LYSMD1: variants seen among roughly 807,000 people sequenced by gnomAD.
The protein encoded by LYSMD1 is lysM and putative peptidoglycan-binding domain-containing protein 1.
In LYSMD1, 9 loss-of-function variants were observed where a neutral mutation model predicts 19.3. The ratio of observed to expected loss-of-function variants is 0.47; its 90% CI spans 0.28 to 0.81. LYSMD1 has a LOEUF of 0.81. Among genes scored for constraint, LYSMD1 ranks in the 40% least tolerant of loss-of-function variants. LYSMD1 has a pLI of 0.11. For missense variants in LYSMD1, 262 were observed against 279.8 expected, an observed-to-expected ratio of 0.94 and a Z score of 0.45; for synonymous variants, 111 against 111.7, an observed-to-expected ratio of 0.99 and a Z score of 0.04.
At position 151,160,952 on chromosome 1, in the gene LYSMD1, G is replaced by A; in HGVS notation, c.614C>T (p.Pro205Leu). ...CCGAGAGGTACGGGTCAGCGGCACA[G>A]GACCTAGGACTGCTCGTTGCTGCAT... ...PWMQQRAVLG[P>L]VPLTRTSRTR... The change falls in exon 3 of 3, where the codon CCT (proline) becomes CTT (leucine). Residue 205 changes from proline to leucine, a missense_variant. Pro to Leu is a moderately conservative substitution (Grantham distance 98). Transcript: ENST00000368908. 1 of 1,614,236 alleles carries A rather than the reference G, an allele frequency of 6.2e-7. No individual in the cohort carries two copies. The highest frequency in any genetic ancestry group is 8.5e-7 in the Non-Finnish European group (1 of 1,180,036).
At chr1:151,161,491 C>T (rs587774888) in intron 2 of LYSMD1, among the ~76,000 whole-genome samples, 100 of 145,830 alleles carry the variant, frequency 6.9e-4, no homozygotes, top group African/African-American at 2.3e-3. Flanking sequence ...AGCAAGACCC[C>T]GTCTCAAAAA....
downstream of LYSMD1, among the ~76,000 whole-genome samples, chr1:151,157,360 C>T (rs1315707536): frequency 6.6e-6 from 1 of 152,206 alleles, no homozygotes; most frequent in Non-Finnish European, 1.5e-5. Context: ...CGAGGCTGCT[C>T]CTCACTGCGG....
In LYSMD1 at chr1:151,161,971, C is replaced by T. The variant is rs111870485; in HGVS notation, c.310G>A (p.Asp104Asn). 5.6e-6 allele frequency: 9 copies of T among 1,614,134 alleles called. No homozygotes were observed. Among genetic ancestry groups the T allele is most frequent in the African/African-American group, 2.7e-5 (2 of 75,006 alleles). ...FNGLDSEEEKDGEEKVHPSNS... is the reference protein window; with the variant it reads ...FNGLDSEEEKNGEEKVHPSNS... ...CTTGGGTGTACTTTTTCCTCTCCATCTTTCTCTTCCTCAGAGTCCAAACCA... is the reference window on the plus strand; with the variant it reads ...CTTGGGTGTACTTTTTCCTCTCCATTTTTCTCTTCCTCAGAGTCCAAACCA... The change falls in exon 2 of 3, where the codon GAT (aspartate) becomes AAT (asparagine). Residue 104 changes from aspartate (D) to asparagine (N), a missense_variant. Transcript: ENST00000368908.
At chr1:151,154,727 C>T in the LYSMD1 span, among the ~76,000 whole-genome samples, 1 of 152,064 alleles carries the variant, frequency 6.6e-6, no homozygotes, top group Non-Finnish European at 1.5e-5. Flanking sequence ...CTCACTACAA[C>T]CTCTGCCTCC....
intron 1 of LYSMD1, 123 bp from the exon 2 acceptor site, chr1:151,162,223 G>A: frequency 1.1e-6 from 1 of 933,294 alleles, no homozygotes; most frequent in South Asian, 1.9e-5. Context: ...AAGTACAAAG[G>A]GCTGACATTA....
intron 1 of LYSMD1, among the ~76,000 whole-genome samples, chr1:151,163,860 T>G (rs945229344): frequency 6.7e-6 from 1 of 149,380 alleles, no homozygotes. Context: ...AAATTTAATC[T>G]TTTCTGATTT....
rs1365064813 is a variant in LYSMD1 at position 151,161,941 on chromosome 1, T to C, written c.340A>G (p.Ser114Gly). ...DGEEKVHPSN[S>G]EVWPHSTERK... ...TCAGTTGAGTGTGGCCAAACTTCACTGTTACTTGGGTGTACTTTTTCCTCT... is the reference window on the plus strand; with the variant it reads ...TCAGTTGAGTGTGGCCAAACTTCACCGTTACTTGGGTGTACTTTTTCCTCT... The change falls in exon 2 of 3, where the codon AGT becomes GGT. Residue 114 changes from serine (S) to glycine (G), a missense_variant. Coordinates refer to ENST00000368908, the MANE Select transcript of LYSMD1 (RefSeq NM_212551.5). The C allele has an allele frequency of 6.2e-7, 1 of 1,614,188 alleles. No homozygotes were observed. Among genetic ancestry groups the C allele is most frequent in the East Asian group, 2.2e-5 (1 of 44,888 alleles).
chr1:151,161,738 A>G lies in LYSMD1; in HGVS notation c.543T>C (p.Asn181=), dbSNP rs1405893655. The change falls in exon 2 of 3, where the codon AAT becomes AAC. Residue 181 remains asparagine (N), a splice_region_variant and synonymous_variant. Transcript: ENST00000368908. ...ATAAGGAACCATTCAAGACTCACCC[A>G]TTTTCCCCTTTTTTCAGCTTCTGAG... ...AAAQKLKKGE[N]GVPGEDAGLH... The G allele has an allele frequency of 1.9e-6, 3 of 1,609,306 alleles. No homozygotes were observed. The Admixed American group carries it at 5.2e-5, about 28-fold the overall frequency.
rs1469575153 is a variant in LYSMD1 at position 151,165,377 on chromosome 1, CCT to C, written c.-121_-120del. Reference sequence around the variant, plus strand: ...GGATTCCTTTCCCCCTCTCTCTTCCCCTGTGTCCCCGCCTCCCCAGCACTACG... The same window carrying C: ...GGATTCCTTTCCCCCTCTCTCTTCCCGTGTCCCCGCCTCCCCAGCACTACG... On this transcript the variant is annotated 5_prime_UTR_variant, in exon 1 of 3. Coordinates refer to ENST00000368908, the MANE Select transcript of LYSMD1 (RefSeq NM_212551.5). The C allele has an allele frequency of 2.7e-6, 4 of 1,475,732 alleles. No homozygotes were observed. The highest frequency in any genetic ancestry group is 5.0e-5 in the Admixed American group (2 of 39,892). The allele number at this position is 1,475,732 out of a possible 1,614,324, so 91.4% of individuals were successfully genotyped here.
chr1:151,157,998 GCA>G (rs375393596), downstream of LYSMD1, among the ~76,000 whole-genome samples: 41 of 152,268 alleles, frequency 2.7e-4, no homozygotes, highest in East Asian at 4.6e-3. Flanking sequence ...CAGACATATG[GCA>G]CAGAGTCAGT....
Position 151,165,403 on chromosome 1 carries a change from C to A in LYSMD1, c.-145G>T. The A allele has an allele frequency of 1.4e-6, 2 of 1,442,606 alleles. No homozygotes were observed. The highest frequency in any genetic ancestry group is 1.5e-5 in the South Asian group (1 of 67,934). The allele number at this position is 1,442,606 out of a possible 1,614,324, so 89.4% of individuals were successfully genotyped here. A position where few individuals can be genotyped will look rare whatever the true frequency, so the allele number is the denominator to read the frequency against. On this transcript the variant is annotated 5_prime_UTR_variant, in exon 1 of 3. Coordinates refer to ENST00000368908, the MANE Select transcript of LYSMD1 (RefSeq NM_212551.5). ...CTGTGTCCCCGCCTCCCCAGCACTACGCCATCTGCCCCCTCCCGGTTTCTC... is the reference window on the plus strand; with the variant it reads ...CTGTGTCCCCGCCTCCCCAGCACTAAGCCATCTGCCCCCTCCCGGTTTCTC...
chr1:151,149,974 G>A, the LYSMD1 span, among the ~76,000 whole-genome samples: 1 of 152,126 alleles, frequency 6.6e-6, no homozygotes, highest in African/African-American at 2.4e-5. Context: ...CCTGCATCAT[G>A]TCTCTCTCAT....
rs778668412 is a variant in LYSMD1, at chr1:151,165,410, T to C, written c.-152A>G. 9.0e-5 allele frequency: 128 copies of C among 1,426,552 alleles called. No homozygotes were observed. The highest frequency in any genetic ancestry group is 1.2e-4 in the Non-Finnish European group (127 of 1,090,044). The allele number at this position is 1,426,552 out of a possible 1,614,324, so 88.4% of individuals were successfully genotyped here. A position where few individuals can be genotyped will look rare whatever the true frequency, so the allele number is the denominator to read the frequency against. On this transcript the variant is annotated 5_prime_UTR_variant, in exon 1 of 3. Transcript: ENST00000368908. The stretch of plus-strand genomic sequence containing the variant: ...CCCGCCTCCCCAGCACTACGCCATC[T>C]GCCCCCTCCCGGTTTCTCCTCCCTC...
chr1:151,161,055 T>C, intron 2 of LYSMD1, 35 bp from the exon 3 acceptor site: 2 of 1,609,032 alleles, frequency 1.2e-6, no homozygotes, highest in Non-Finnish European at 1.7e-6. Context: ...GAGTGACAGA[T>C]CAAGGGAAGA....
At chr1:151,152,681 C>T in the LYSMD1 span, among the ~76,000 whole-genome samples, 3 of 152,144 alleles carry the variant, frequency 2.0e-5, no homozygotes, top group Admixed American at 6.5e-5. Context: ...GCCTGGGCGA[C>T]AGTGTGAGAC....
chr1:151,156,582 G>A (rs1683228772), downstream of LYSMD1: 1 of 152,234 alleles, frequency 6.6e-6, no homozygotes, highest in Non-Finnish European at 1.5e-5. Context: ...CAGAAGTGAT[G>A]AACCGGAGGT....
At chr1:151,149,611 C>G in the LYSMD1 span, among the ~76,000 whole-genome samples, 4 of 151,502 alleles carry the variant, frequency 2.6e-5, no homozygotes, top group Non-Finnish European at 5.9e-5. Flanking sequence ...ATTAGCCGGG[C>G]GTGGCGGTGT....
At chr1:151,162,856 T>C (rs781601784) in intron 1 of LYSMD1, among the ~76,000 whole-genome samples, 3 of 152,208 alleles carry the variant, frequency 2.0e-5, no homozygotes, top group South Asian at 2.1e-4. Context: ...TCTGGGGTTA[T>C]TGCAACAGTT....
chr1:151,165,861 A>G lies in LYSMD1; in HGVS notation c.-603T>C. On this transcript the variant is annotated 5_prime_UTR_variant, in exon 1 of 3. Transcript: ENST00000368908. ...AAACGCCTCAGATCCGCCAAGATGC[A>G]AGGGCCTGGATCCAGTTGAGCGGCA... 6 of 1,207,032 alleles carry G rather than the reference A, an allele frequency of 5.0e-6. No individual in the cohort carries two copies. The highest frequency in any genetic ancestry group is 7.2e-6 in the Non-Finnish European group (6 of 832,514). The allele number at this position is 1,207,032 out of a possible 1,614,324, so 74.8% of individuals were successfully genotyped here.
Sources: gnomAD v4.1 joint callset for allele counts (sites outside exome capture counted in the v4.1 genomes callset) on GRCh38, gnomAD v4.1.1 for gene constraint, MANE v1.5 for transcripts, NCBI Gene and HGNC (gene_info 2026-07-23, HGNC 2026-07-21) for gene names.